Variants in CRY1 observed in about 807,000 individuals in gnomAD.
CRY1 encodes the protein cryptochrome circadian regulator 1, also known as cryptochrome-1.
A neutral mutation model predicts 76.0 loss-of-function variants in CRY1; 45 were observed. That is an observed-to-expected ratio of 0.59 (90% CI 0.47 to 0.76). The LOEUF is 0.76. Ranked by LOEUF, CRY1 falls within the 30% of genes least tolerant of loss-of-function variation. CRY1 has a pLI of 0.00. For synonymous variants in CRY1, 248 were observed against 244.0 expected, an observed-to-expected ratio of 1.02 and a Z score of -0.15; for missense variants, 587 against 716.4, an observed-to-expected ratio of 0.82 and a Z score of 2.06.
At position 107,018,733 on chromosome 12, in the gene CRY1, A is replaced by C. The variant is rs532090140; in HGVS notation, c.267+3351T>G. On this transcript the variant is annotated intron_variant, in intron 2 of 12. Coordinates refer to ENST00000008527, the MANE Select transcript of CRY1 (RefSeq NM_004075.5). ...TTAAAAGTTTCTGCAGGGCCTAGAA[A>C]GAGCCATCTTGTTAGCCTATATTAA... 2.0e-5 allele frequency among the ~76,000 whole-genome samples: 3 copies of C among 152,348 alleles called. No homozygotes were observed. The East Asian group carries it at 5.8e-4, about 29-fold the overall frequency.
intron 1 of CRY1, among the ~76,000 whole-genome samples, chr12:107,052,824 A>G (rs1221814147): frequency 2.6e-5 from 4 of 152,242 alleles, no homozygotes; most frequent in African/African-American, 9.6e-5. Flanking sequence ...GCAAGAGATT[A>G]TTAGGTTAGA....
chr12:107,022,598 A>T (rs1341931260), intron 1 of CRY1, among the ~76,000 whole-genome samples: 1 of 151,966 alleles, frequency 6.6e-6, no homozygotes, highest in Non-Finnish European at 1.5e-5. Context: ...TGGGGGGAAA[A>T]AACCAGAAAC....
intron 1 of CRY1, among the ~76,000 whole-genome samples, chr12:107,082,993 A>G (rs919297485): frequency 6.6e-6 from 1 of 152,162 alleles, no homozygotes; most frequent in Admixed American, 6.5e-5. Context: ...AGACACAATA[A>G]AAAATGATAA....
intron 1 of CRY1, among the ~76,000 whole-genome samples, chr12:107,075,154 C>T (rs1465110696): frequency 1.3e-5 from 2 of 152,034 alleles, no homozygotes; most frequent in African/African-American, 4.8e-5. Flanking sequence ...TGGCTAATTT[C>T]AGTTTGACAA....
chr12:106,996,931 G>A (rs1156297379), intron 10 of CRY1, among the ~76,000 whole-genome samples: 2 of 152,158 alleles, frequency 1.3e-5, no homozygotes, highest in Non-Finnish European at 2.9e-5. Flanking sequence ...TGTTCACAGG[G>A]CCACTGACTT....
intron 2 of CRY1, among the ~76,000 whole-genome samples, chr12:107,008,438 C>T (rs927222356): frequency 3.3e-5 from 5 of 152,098 alleles, no homozygotes; most frequent in Admixed American, 6.6e-5. Context: ...TTACTGAATA[C>T]GTAACTATTA....
chr12:107,046,032 C>A (rs1195693646), intron 1 of CRY1, among the ~76,000 whole-genome samples: 1 of 151,492 alleles, frequency 6.6e-6, no homozygotes. Context: ...GAGGCTGGGG[C>A]AGGAGAATTG....
intron 2 of CRY1, among the ~76,000 whole-genome samples, chr12:107,006,429 C>A (rs1437000989): frequency 6.6e-6 from 1 of 151,912 alleles, no homozygotes; most frequent in Admixed American, 6.6e-5. Flanking sequence ...TACCTTTATG[C>A]ACACATCTTA....
chr12:107,071,671 A>G (rs1489719965), intron 1 of CRY1, among the ~76,000 whole-genome samples: 1 of 152,196 alleles, frequency 6.6e-6, no homozygotes, highest in East Asian at 1.9e-4. Context: ...ATAAAGTATA[A>G]AAACATCTAG....
chr12:106,993,094 T>C (rs564285517), intron 10 of CRY1, 58 bp from the exon 11 acceptor site: 8 of 1,548,308 alleles, frequency 5.2e-6, no homozygotes, highest in Admixed American at 1.7e-5. Flanking sequence ...ATGTATGTAT[T>C]ATTAAGTCTA....
At chr12:107,036,912 C>T (rs1593517644) in intron 1 of CRY1, among the ~76,000 whole-genome samples, 1 of 152,246 alleles carries the variant, frequency 6.6e-6, no homozygotes, top group East Asian at 1.9e-4. Flanking sequence ...CCTCTCCCCA[C>T]CTCTGGCCCC....
intron 7 of CRY1, among the ~76,000 whole-genome samples, chr12:106,998,679 C>CACACACACACACACAT (rs1413044623): frequency 1.3e-5 from 2 of 151,748 alleles, no homozygotes; most frequent in African/African-American, 4.8e-5. Context: ...CACACACACA[C>CACACACACACACACAT]ACACACACAC....
At chr12:107,036,089 G>A (rs1421036920) in intron 1 of CRY1, among the ~76,000 whole-genome samples, 1 of 152,112 alleles carries the variant, frequency 6.6e-6, no homozygotes, top group East Asian at 1.9e-4. Context: ...TCAACACAAG[G>A]CCTCCTCCAC....
At chr12:107,019,049 T>C (rs992807105) in intron 2 of CRY1, among the ~76,000 whole-genome samples, 3 of 152,154 alleles carry the variant, frequency 2.0e-5, no homozygotes, top group Non-Finnish European at 4.4e-5. Flanking sequence ...TAATTACCTA[T>C]TAAAAATCCT....
intron 1 of CRY1, among the ~76,000 whole-genome samples, chr12:107,045,473 C>T (rs778922389): frequency 3.3e-5 from 5 of 152,126 alleles, no homozygotes; most frequent in Non-Finnish European, 1.5e-5. Flanking sequence ...GCATGGCCAA[C>T]GTGGCGAAAC....
chr12:107,027,253 T>C (rs1339053948), intron 1 of CRY1, among the ~76,000 whole-genome samples: 1 of 152,198 alleles, frequency 6.6e-6, no homozygotes. Context: ...GAAATGCATG[T>C]GCTCTGGGAC....
At chr12:107,069,552 ATATATATAATATATATATAAAG>A (rs1953153287) in intron 1 of CRY1, among the ~76,000 whole-genome samples, 1 of 140,378 alleles carries the variant, frequency 7.1e-6, no homozygotes, top group African/African-American at 2.6e-5. Context: ...TATATAAAGT[ATATATATAATATATATATAAAG>A]TATATATATA....
chr12:107,055,282 T>G (rs1057267998), intron 1 of CRY1, among the ~76,000 whole-genome samples: 2 of 152,090 alleles, frequency 1.3e-5, no homozygotes, highest in Admixed American at 1.3e-4. Context: ...ATATTATAAG[T>G]AACAAAGGAT....
chr12:107,074,617 G>A (rs1347900930), intron 1 of CRY1, among the ~76,000 whole-genome samples: 1 of 152,086 alleles, frequency 6.6e-6, no homozygotes, highest in Non-Finnish European at 1.5e-5. Flanking sequence ...AAAACCTATC[G>A]TTATATCTTT....
Sources: allele counts gnomAD v4.1 joint callset (sites outside exome capture counted in the v4.1 genomes callset), GRCh38; gene constraint gnomAD v4.1.1; transcripts MANE v1.5; gene names NCBI Gene and HGNC (gene_info 2026-07-23, HGNC 2026-07-21).